MAN1C1: variants seen among roughly 807,000 people sequenced by gnomAD.
The protein encoded by MAN1C1 is mannosyl-oligosaccharide 1,2-alpha-mannosidase IC.
In MAN1C1, 49 loss-of-function variants were observed where a neutral mutation model predicts 71.5. That is an observed-to-expected ratio of 0.69 (90% CI 0.54 to 0.87). The LOEUF is 0.87. MAN1C1 is among the 40% of genes least tolerant of loss of function. MAN1C1 has a pLI of 0.00. For synonymous variants in MAN1C1, 352 were observed against 343.7 expected, an observed-to-expected ratio of 1.02 and a Z score of -0.27; for missense variants, 743 against 835.0, an observed-to-expected ratio of 0.89 and a Z score of 1.36.
intron 1 of MAN1C1, among the ~76,000 whole-genome samples, chr1:25,635,476 G>C (rs2045445287): frequency 6.9e-6 from 1 of 144,074 alleles, no homozygotes; most frequent in Admixed American, 7.1e-5. Flanking sequence ...GTGAGACAGA[G>C]TCTCACTCTG....
chr1:25,737,916 C>T (rs1014872609), intron 2 of MAN1C1, among the ~76,000 whole-genome samples: 1 of 152,104 alleles, frequency 6.6e-6, no homozygotes, highest in Non-Finnish European at 1.5e-5. Context: ...GGTCAAGCAT[C>T]ACTTTGCAAA....
At chr1:25,750,424 C>T (rs932438022) in intron 4 of MAN1C1, among the ~76,000 whole-genome samples, 1 of 114,446 alleles carries the variant, frequency 8.7e-6, no homozygotes, top group African/African-American at 2.6e-5. Flanking sequence ...CCCCCCTGCT[C>T]TGACCACCCA....
chr1:25,663,369 G>T (rs994586550), intron 1 of MAN1C1, among the ~76,000 whole-genome samples: 1 of 151,946 alleles, frequency 6.6e-6, no homozygotes, highest in African/African-American at 2.4e-5. Flanking sequence ...CCCAGTGGAT[G>T]CCTGAAACTT....
At chr1:25,768,404 TC>T (rs1238910021) in intron 7 of MAN1C1, among the ~76,000 whole-genome samples, 1 of 58,588 alleles carries the variant, frequency 1.7e-5, no homozygotes, top group Non-Finnish European at 3.3e-5. Flanking sequence ...ACATCCACAC[TC>T]CCCTCAAACA....
intron 1 of MAN1C1, chr1:25,644,514 A>ATTTTT (rs1429643822): frequency 2.2e-4 from 19 of 88,338 alleles, no homozygotes; most frequent in African/African-American, 1.5e-3. Context: ...ATATATATAT[A>ATTTTT]TATATTTTTT....
At chr1:25,635,214 CT>C (rs2045438589) in intron 1 of MAN1C1, among the ~76,000 whole-genome samples, 1 of 151,902 alleles carries the variant, frequency 6.6e-6, no homozygotes, top group Non-Finnish European at 1.5e-5. Context: ...AATGTTTTCT[CT>C]TTATTAAATA....
intron 1 of MAN1C1, among the ~76,000 whole-genome samples, chr1:25,627,177 T>C (rs181930754): frequency 2.5e-4 from 38 of 152,390 alleles, no homozygotes; most frequent in Admixed American, 9.1e-4. Flanking sequence ...GCTGAACTAA[T>C]TGACTATATA....
chr1:25,706,294 G>T (rs2046520984), intron 2 of MAN1C1, among the ~76,000 whole-genome samples: 1 of 152,316 alleles, frequency 6.6e-6, no homozygotes, highest in Non-Finnish European at 1.5e-5. Context: ...ATGCCTGAAG[G>T]ATCACAAAGC....
rs1479687478 is a variant in MAN1C1 at position 25,778,694 on chromosome 1, C to T, written c.1477+370C>T. ...GAGGCAGAAACGGCGGCTTCCTGAGCCCGGCACATGTCCCACCCTGAGTCT... is the reference window on the plus strand; with the variant it reads ...GAGGCAGAAACGGCGGCTTCCTGAGTCCGGCACATGTCCCACCCTGAGTCT... On this transcript the variant is annotated intron_variant, in intron 9 of 11. Transcript: ENST00000374332. This position sits in a 1 kb window ranked among gnomAD's most constrained non-coding sequence, Gnocchi z 5.5. Among the ~76,000 whole-genome samples the T allele has an allele frequency of 6.6e-6, 1 of 152,150 alleles. No homozygotes were observed. The highest frequency in any genetic ancestry group is 1.5e-5 in the Non-Finnish European group (1 of 68,030).
chr1:25,682,518 C>T lies in MAN1C1; in HGVS notation c.541-3922C>T, dbSNP rs2046168938. On this transcript the variant is annotated intron_variant, in intron 1 of 11. Transcript: ENST00000374332. ...CAGAGGTGTGGGGCTCCTGGAAGAACACTATGTCATGTGGGTCTGCAGTTT... is the reference window on the plus strand; with the variant it reads ...CAGAGGTGTGGGGCTCCTGGAAGAATACTATGTCATGTGGGTCTGCAGTTT... Among the ~76,000 whole-genome samples, 4 of 152,278 alleles carry T rather than the reference C, an allele frequency of 2.6e-5. No individual in the cohort carries two copies. In the South Asian group the frequency reaches 8.3e-4, roughly 32 times the overall value.
Position 25,778,225 on chromosome 1 carries a change from GC to G in MAN1C1, c.1381del (p.Gly462AlafsTer53), listed in dbSNP as rs1557804829. The G allele has an allele frequency of 6.2e-7, 1 of 1,614,018 alleles. No individual in the cohort carries two copies. The highest frequency in any genetic ancestry group is 8.5e-7 in the Non-Finnish European group (1 of 1,179,958). Reference sequence around the variant, plus strand: ...GGCCTGTTTCTCCGGGGGCATGATCGCCCTTGGCGCCGAGGATGCCAAGGAA... The same window carrying G: ...GGCCTGTTTCTCCGGGGGCATGATCGCCTTGGCGCCGAGGATGCCAAGGAA... Reference protein sequence around the residue: ...HLACFSGGMIALGAEDAKEEK... With the variant: ...HLACFSGGMIXLGAEDAKEEK... On this transcript the variant is annotated frameshift_variant, in exon 9 of 12. Transcript: ENST00000374332. LOFTEE classifies it high-confidence loss of function. The surrounding 1 kb of genome is among the most constrained non-coding windows in gnomAD (Gnocchi z 5.5).
At chr1:25,684,935 A>C (rs1247102338) in intron 1 of MAN1C1, among the ~76,000 whole-genome samples, 2 of 152,186 alleles carry the variant, frequency 1.3e-5, no homozygotes, top group African/African-American at 4.8e-5. Flanking sequence ...CTTGGGCCCC[A>C]CCCCAGACCT....
intron 5 of MAN1C1, among the ~76,000 whole-genome samples, chr1:25,756,369 C>G (rs1473185336): frequency 2.0e-5 from 3 of 152,198 alleles, no homozygotes; most frequent in Admixed American, 1.3e-4. Context: ...CCCAGGCCAG[C>G]TCACTTGTCT....
chr1:25,681,944 C>T (rs1180276927), intron 1 of MAN1C1, among the ~76,000 whole-genome samples: 3 of 148,000 alleles, frequency 2.0e-5, no homozygotes, highest in Non-Finnish European at 4.4e-5. Flanking sequence ...GTCTAACCCC[C>T]TATTTGCCTT....
In MAN1C1 at chr1:25,775,169, A is replaced by G. The variant is rs561597473; in HGVS notation, c.1258-2936A>G. 7.7e-4 allele frequency among the ~76,000 whole-genome samples: 117 copies of G among 152,234 alleles called. No homozygotes were observed. The highest frequency in any genetic ancestry group is 1.2e-3 in the Non-Finnish European group (82 of 68,010). ...AAAGTGTTGACAACTGGTGACTCGG[A>G]CCCAGGTTTCTGAGCCCTGACACTC... is the stretch of plus-strand genomic sequence containing the variant. On this transcript the variant is annotated intron_variant, in intron 8 of 11. Transcript: ENST00000374332. This position sits in a 1 kb window ranked among gnomAD's most constrained non-coding sequence, Gnocchi z 5.1.
rs145074469 is a variant in MAN1C1, at chr1:25,632,683, G to C, written c.540+14346G>C. 7.8e-3 allele frequency among the ~76,000 whole-genome samples: 1,188 copies of C among 152,110 alleles called. 45 individuals are homozygous for C. The highest frequency in any genetic ancestry group is 0.057 in the Admixed American group (878 of 15,276). ...CAGTATCCCAGAGTTTTGATAACTT[G>C]TGTCACTGTTATTCATTTCAAAAAA... On this transcript the variant is annotated intron_variant, in intron 1 of 11. Coordinates refer to ENST00000374332, the MANE Select transcript of MAN1C1 (RefSeq NM_020379.4).
intron 2 of MAN1C1, chr1:25,710,027 TGAG>T (rs2046593444): frequency 6.6e-6 from 1 of 152,318 alleles, no homozygotes; most frequent in Non-Finnish European, 1.5e-5. Context: ...ATTACAGGCA[TGAG>T]CCACTGAGCC....
rs2046607289 is a variant in MAN1C1 at position 25,711,066 on chromosome 1, A to T, written c.637+24530A>T. Among the ~76,000 whole-genome samples, 1 of 152,184 alleles carries T rather than the reference A, an allele frequency of 6.6e-6. No individual in the cohort carries two copies. Among genetic ancestry groups the T allele is most frequent in the Admixed American group, 6.5e-5 (1 of 15,284 alleles). ...GTCTGTGGGTCTTAGCTAGGCCAGGATTGGTCTAGGATGGCTTTGGTTAGA... is the reference window on the plus strand; with the variant it reads ...GTCTGTGGGTCTTAGCTAGGCCAGGTTTGGTCTAGGATGGCTTTGGTTAGA... On this transcript the variant is annotated intron_variant, in intron 2 of 11. Coordinates refer to ENST00000374332, the MANE Select transcript of MAN1C1 (RefSeq NM_020379.4). The surrounding 1 kb of genome is among the most constrained non-coding windows in gnomAD (Gnocchi z 4.3).
chr1:25,781,202 G>C, intron 10 of MAN1C1, 90 bp downstream of exon 10: 1 of 1,414,880 alleles, frequency 7.1e-7, no homozygotes, highest in African/African-American at 1.4e-5. Context: ...TGGGCCTGGA[G>C]TGGAAGGCCA....
Sources: gnomAD v4.1 joint callset for allele counts (sites outside exome capture counted in the v4.1 genomes callset) on GRCh38, gnomAD v4.1.1 for gene constraint, Gnocchi (gnomAD v3.1) non-coding constraint, MANE v1.5 for transcripts, NCBI Gene and HGNC (gene_info 2026-07-23, HGNC 2026-07-21) for gene names.